Variants in FAM131B observed in about 807,000 individuals in gnomAD.
FAM131B encodes the protein protein FAM131B.
Under a neutral mutation model 42.0 loss-of-function variants are expected in FAM131B, and 19 were observed. The ratio of observed to expected loss-of-function variants is 0.45; its 90% CI spans 0.32 to 0.66. The LOEUF (loss-of-function observed/expected upper bound fraction) is 0.66, where lower values mean the gene tolerates loss of function less well. Among genes scored for constraint, FAM131B ranks in the 30% least tolerant of loss-of-function variants. The pLI is 0.05. For synonymous variants in FAM131B, 183 were observed against 177.6 expected, an observed-to-expected ratio of 1.03 and a Z score of -0.24; for missense variants, 370 against 468.4, an observed-to-expected ratio of 0.79 and a Z score of 1.94.
chr7:143,354,325 G>A lies in FAM131B; in HGVS notation c.*2225C>T, dbSNP rs553610312. The A allele has an allele frequency of 6.6e-6, 1 of 152,320 alleles. No homozygotes were observed. The highest frequency in any genetic ancestry group is 2.1e-4 in the South Asian group (1 of 4,822). The allele number at this position is 152,320 out of a possible 1,614,324, so 9.4% of individuals were successfully genotyped here. A position where few individuals can be genotyped will look rare whatever the true frequency, so the allele number is the denominator to read the frequency against. ...GGAAGGAGGAACGAAAGCTGCTGTG[G>A]TCTACCTTTCCTAACTCCCCCGGGC... On this transcript the variant is annotated 3_prime_UTR_variant, in exon 7 of 7. Transcript: ENST00000443739.
At position 143,356,523 on chromosome 7, in the gene FAM131B, T is replaced by C; in HGVS notation, c.*27A>G. The C allele has an allele frequency of 6.5e-7, 1 of 1,549,122 alleles. No individual in the cohort carries two copies. The highest frequency in any genetic ancestry group is 8.9e-7 in the Non-Finnish European group (1 of 1,125,572). ...CACAGCCATGGCCCTCAGGTGGGAG[T>C]GGAAGGCAGGGCATTGGGGGAGGAA... On this transcript the variant is annotated 3_prime_UTR_variant, in exon 7 of 7. Coordinates refer to ENST00000443739, the MANE Select transcript of FAM131B (RefSeq NM_001031690.3). The surrounding 1 kb of genome is among the most constrained non-coding windows in gnomAD (Gnocchi z 4.4).
chr7:143,379,003 G>C, the FAM131B span, among the ~76,000 whole-genome samples: 1 of 152,196 alleles, frequency 6.6e-6, no homozygotes, highest in African/African-American at 2.4e-5. Context: ...AAAAGTCTTT[G>C]TTTGAATATT....
At position 143,356,684 on chromosome 7, in the gene FAM131B, C is replaced by T. The variant is rs1258804262; in HGVS notation, c.949G>A (p.Gly317Arg). ...PLAPEEEEDA[G>R]CRDLESLSPR... ...GAAAGTGACTCCAGGTCCCGGCATC[C>T]CGCATCCTCTTCCTCCTCAGGTGCC... Residue 317 changes from glycine (G) to arginine (R), a missense_variant, in exon 7 of 7, where the codon GGA becomes AGA. Gly to Arg is a moderately radical substitution (Grantham distance 125). Transcript: ENST00000443739. This position sits in a 1 kb window ranked among gnomAD's most constrained non-coding sequence, Gnocchi z 4.4. The T allele has an allele frequency of 6.2e-7, 1 of 1,614,118 alleles. No homozygotes were observed. The highest frequency in any genetic ancestry group is 1.1e-5 in the South Asian group (1 of 91,078).
the FAM131B span, chr7:143,382,173 A>C: frequency 7.2e-6 from 9 of 1,258,426 alleles, no homozygotes; most frequent in Non-Finnish European, 9.0e-6. Flanking sequence ...GTTAGGGGTT[A>C]GAGCGGTTAA....
the FAM131B span, chr7:143,381,840 C>T: frequency 7.0e-7 from 1 of 1,428,108 alleles, no homozygotes; most frequent in South Asian, 1.4e-5. Context: ...GCAGTCGTTT[C>T]GGGAATTTGG....
chr7:143,354,624 C>G lies in FAM131B; in HGVS notation c.*1926G>C, dbSNP rs1803571340. ...TCTCAGAGCTCCTGGAAATGAGGTC[C>G]TGGGACATGGAGTCAGCACACGTTA... is the stretch of plus-strand genomic sequence containing the variant. On this transcript the variant is annotated 3_prime_UTR_variant, in exon 7 of 7. Coordinates refer to ENST00000443739, the MANE Select transcript of FAM131B (RefSeq NM_001031690.3). 2 of 152,226 alleles carry G rather than the reference C, an allele frequency of 1.3e-5. No homozygotes were observed. The highest frequency in any genetic ancestry group is 2.4e-5 in the African/African-American group (1 of 41,430). The allele number at this position is 152,226 out of a possible 1,614,324, so 9.4% of individuals were successfully genotyped here.
rs946325867 is a variant in FAM131B, at chr7:143,359,891, G to A, written c.139-124C>T. 400 of 1,048,200 alleles carry A rather than the reference G, an allele frequency of 3.8e-4. 1 individual carries two copies. The highest frequency in any genetic ancestry group is 4.0e-4 in the Admixed American group (20 of 50,156). The allele number at this position is 1,048,200 out of a possible 1,614,324, so 64.9% of individuals were successfully genotyped here. On this transcript the variant is annotated intron_variant, in intron 2 of 6. Transcript: ENST00000443739. This position sits in a 1 kb window ranked among gnomAD's most constrained non-coding sequence, Gnocchi z 5.4. The stretch of plus-strand genomic sequence containing the variant: ...GGAGGGCTTTCCTGAGGTTGATGCC[G>A]CTAACTGGGTTCTCCATGTGGACTG...
rs1022685822 is a variant in FAM131B, at chr7:143,362,286, A to G, written c.28+290T>C. Among the ~76,000 whole-genome samples the G allele has an allele frequency of 3.0e-4, 45 of 152,074 alleles. No homozygotes were observed. Among genetic ancestry groups the G allele is most frequent in the Admixed American group, 3.9e-4 (6 of 15,292 alleles). ...TGAGGGGACCGAGCGTCGGGCCGAG[A>G]GGCAGAGGAGAGGAGGGCGATGGAG... On this transcript the variant is annotated intron_variant, in intron 1 of 6. Coordinates refer to ENST00000443739, the MANE Select transcript of FAM131B (RefSeq NM_001031690.3). This position sits in a 1 kb window ranked among gnomAD's most constrained non-coding sequence, Gnocchi z 7.7.
the FAM131B span, among the ~76,000 whole-genome samples, chr7:143,376,423 G>T: frequency 6.6e-6 from 1 of 152,188 alleles, no homozygotes; most frequent in Non-Finnish European, 1.5e-5. Flanking sequence ...CTGAACTGAG[G>T]TTGGGAATGG....
the FAM131B span, chr7:143,381,847 TTG>T: frequency 2.2e-5 from 31 of 1,405,560 alleles, no homozygotes; most frequent in African/African-American, 3.9e-4. Context: ...TTTCGGGAAT[TTG>T]GGGATGTCTG....
chr7:143,360,023 G>A lies in FAM131B; in HGVS notation c.138+17C>T, dbSNP rs766843624. The A allele has an allele frequency of 5.1e-6, 8 of 1,582,044 alleles. No individual in the cohort carries two copies. The highest frequency in any genetic ancestry group is 6.9e-6 in the Non-Finnish European group (8 of 1,151,706). ...TGCAGGCAGCCAGAGACTTGGGGTG[G>A]CTGAGTGAGGTCTCACCTCAGTCGA... On this transcript the variant is annotated intron_variant, in intron 2 of 6. Coordinates refer to ENST00000443739, the MANE Select transcript of FAM131B (RefSeq NM_001031690.3).
Position 143,360,038 on chromosome 7 carries a change from AC to A in FAM131B, c.138+1del. 1 of 1,608,630 alleles carries A rather than the reference AC, an allele frequency of 6.2e-7. No homozygotes were observed. The highest frequency in any genetic ancestry group is 8.5e-7 in the Non-Finnish European group (1 of 1,175,410). ...ACTTGGGGTGGCTGAGTGAGGTCTC[AC>A]CTCAGTCGATGGCCGATGGAGGCTG... On this transcript the variant is annotated splice_donor_variant, in intron 2 of 6. Coordinates refer to ENST00000443739, the MANE Select transcript of FAM131B (RefSeq NM_001031690.3). LOFTEE classifies it high-confidence loss of function.
the FAM131B span, among the ~76,000 whole-genome samples, chr7:143,373,448 G>A: frequency 2.1e-4 from 32 of 152,310 alleles, no homozygotes; most frequent in Non-Finnish European, 3.8e-4. Context: ...GTTTAATCAC[G>A]TGACATTCAA....
At chr7:143,375,800 C>G in the FAM131B span, among the ~76,000 whole-genome samples, 3 of 152,228 alleles carry the variant, frequency 2.0e-5, no homozygotes. Context: ...AGGCCAGGCT[C>G]TCTGATTTTG....
the FAM131B span, among the ~76,000 whole-genome samples, chr7:143,372,643 C>CA: frequency 1.1e-4 from 17 of 152,028 alleles, no homozygotes; most frequent in Non-Finnish European, 2.2e-4. Flanking sequence ...GACTTAGTGC[C>CA]AAAAAAGTAA....
rs1489321121 is a variant in FAM131B, at chr7:143,358,659, G to A, written c.466+168C>T. On this transcript the variant is annotated intron_variant, in intron 5 of 6. Transcript: ENST00000443739. The surrounding 1 kb of genome is among the most constrained non-coding windows in gnomAD (Gnocchi z 4.7). ...CTGAGATGATTATAAAAATATGTTTGAGGGCACTTATTTGAATTACCACAT... is the reference window on the plus strand; with the variant it reads ...CTGAGATGATTATAAAAATATGTTTAAGGGCACTTATTTGAATTACCACAT... Among the ~76,000 whole-genome samples the A allele has an allele frequency of 6.6e-6, 1 of 152,150 alleles. No homozygotes were observed.
the FAM131B span, among the ~76,000 whole-genome samples, chr7:143,372,681 T>C: frequency 1.3e-5 from 2 of 152,174 alleles, no homozygotes; most frequent in Non-Finnish European, 2.9e-5. Context: ...TTTTAAGGCC[T>C]GGCACAGTGG....
Position 143,356,325 on chromosome 7 carries a change from G to A in FAM131B, c.*225C>T, listed in dbSNP as rs540637425. The A allele has an allele frequency of 5.5e-5, 30 of 547,294 alleles. No individual in the cohort carries two copies. Among genetic ancestry groups the A allele is most frequent in the African/African-American group, 3.8e-4 (20 of 52,510 alleles). The allele number at this position is 547,294 out of a possible 1,614,324, so 33.9% of individuals were successfully genotyped here. Reference sequence around the variant, plus strand: ...TTCTCCACAGCCACACCAAGCTCACGGCCATCTAGTTGCCCAGGTCTCAGT... The same window carrying A: ...TTCTCCACAGCCACACCAAGCTCACAGCCATCTAGTTGCCCAGGTCTCAGT... On this transcript the variant is annotated 3_prime_UTR_variant, in exon 7 of 7. Transcript: ENST00000443739. The surrounding 1 kb of genome is among the most constrained non-coding windows in gnomAD (Gnocchi z 4.4).
the FAM131B span, among the ~76,000 whole-genome samples, chr7:143,375,345 T>C: frequency 2.6e-5 from 4 of 152,166 alleles, no homozygotes; most frequent in African/African-American, 9.7e-5. Context: ...TGTCTTCTGG[T>C]AGCATCTCAC....
Sources: gnomAD v4.1 joint callset for allele counts (sites outside exome capture counted in the v4.1 genomes callset) on GRCh38, gnomAD v4.1.1 for gene constraint, Gnocchi (gnomAD v3.1) non-coding constraint, MANE v1.5 for transcripts, NCBI Gene and HGNC (gene_info 2026-07-23, HGNC 2026-07-21) for gene names.